Variants in RABGAP1 observed in about 807,000 individuals in gnomAD.
RABGAP1 encodes RAB GTPase activating protein 1.
RABGAP1 carries 23 observed loss-of-function variants against 137.6 expected under a neutral mutation model. The observed-to-expected ratio is 0.17, with a 90% CI of 0.12 to 0.24. The LOEUF is 0.24. RABGAP1 is among the 10% of genes least tolerant of loss of function. RABGAP1 has a pLI of 1.00. For missense variants in RABGAP1, 906 were observed against 1,275.8 expected, an observed-to-expected ratio of 0.71 and a Z score of 4.42; for synonymous variants, 451 against 450.7, an observed-to-expected ratio of 1.00 and a Z score of -0.01.
At chr9:123,090,211 C>G in intron 20 of RABGAP1, 64 bp from the exon 21 acceptor site, 1 of 1,299,444 alleles carries the variant, frequency 7.7e-7, no homozygotes, top group Non-Finnish European at 1.1e-6. Context: ...AGGTTTAGCC[C>G]TGAGAAATTT....
At chr9:123,092,971 C>T (rs556252924) in intron 21 of RABGAP1, among the ~76,000 whole-genome samples, 1 of 152,106 alleles carries the variant, frequency 6.6e-6, no homozygotes, top group Non-Finnish European at 1.5e-5. Flanking sequence ...CACACCTTTC[C>T]CACACTCACT....
chr9:123,084,390 G>A (rs771621564), intron 19 of RABGAP1, among the ~76,000 whole-genome samples: 3 of 152,140 alleles, frequency 2.0e-5, no homozygotes, highest in Admixed American at 6.5e-5. Context: ...TCTCCTTAAT[G>A]TACCAGACTC....
intron 13 of RABGAP1, among the ~76,000 whole-genome samples, chr9:123,023,998 A>G (rs1449536093): frequency 3.3e-5 from 5 of 152,216 alleles, no homozygotes; most frequent in Admixed American, 3.3e-4. Context: ...CTTTGTCATC[A>G]TCTTGCATTA....
intron 1 of RABGAP1, among the ~76,000 whole-genome samples, chr9:122,941,474 C>G (rs1833562055): frequency 1.3e-5 from 2 of 152,222 alleles, no homozygotes; most frequent in Non-Finnish European, 2.9e-5. Context: ...AATCCAGCCG[C>G]TCCCCCCCGC....
At chr9:122,980,408 C>T (rs940391822) in intron 2 of RABGAP1, among the ~76,000 whole-genome samples, 1 of 152,158 alleles carries the variant, frequency 6.6e-6, no homozygotes, top group Admixed American at 6.5e-5. Context: ...CTGTGCTTGG[C>T]TTGGCTTACT....
At chr9:123,083,942 T>C (rs1166061380) in intron 19 of RABGAP1, among the ~76,000 whole-genome samples, 2 of 152,226 alleles carry the variant, frequency 1.3e-5, no homozygotes, top group East Asian at 1.9e-4. Context: ...GATTTTCTTA[T>C]GTGTTCAGCA....
chr9:123,074,484 A>G (rs2034453434), intron 17 of RABGAP1, 56 bp downstream of exon 17: 1 of 1,493,080 alleles, frequency 6.7e-7, no homozygotes, highest in Admixed American at 2.1e-5. Flanking sequence ...CTTGAGGAGA[A>G]CAGATTCTGT....
intron 15 of RABGAP1, among the ~76,000 whole-genome samples, chr9:123,072,324 G>A (rs1039711044): frequency 6.6e-6 from 1 of 152,190 alleles, no homozygotes. Context: ...TGGTAGTCAT[G>A]TAAAAATATG....
At chr9:122,947,087 A>T (rs1833987174) in intron 1 of RABGAP1, among the ~76,000 whole-genome samples, 1 of 152,172 alleles carries the variant, frequency 6.6e-6, no homozygotes, top group Admixed American at 6.5e-5. Flanking sequence ...AAGACCCTAT[A>T]AAGTTATAAT....
At chr9:122,983,375 G>T (rs1257923027) in intron 2 of RABGAP1, among the ~76,000 whole-genome samples, 1 of 152,106 alleles carries the variant, frequency 6.6e-6, no homozygotes, top group Admixed American at 6.5e-5. Context: ...TATTTCTAAG[G>T]CAAAAGTAGT....
rs1034761481 is a variant in RABGAP1 at position 122,973,482 on chromosome 9, C to A, written c.151-11003C>A. On this transcript the variant is annotated intron_variant, in intron 2 of 25. Transcript: ENST00000373647. ...CGATCTGACCTCGTGATCCACCCGC[C>A]TCGGCCTCCCAAAGTGCTGGGATTA... Among the ~76,000 whole-genome samples the A allele has an allele frequency of 6.6e-5, 10 of 152,060 alleles. No individual in the cohort carries two copies. The East Asian group carries it at 1.4e-3, about 21-fold the overall frequency.
At chr9:123,046,867 CT>C (rs1453246368) in intron 13 of RABGAP1, among the ~76,000 whole-genome samples, 3 of 152,124 alleles carry the variant, frequency 2.0e-5, no homozygotes, top group African/African-American at 7.2e-5. Flanking sequence ...ATATAGAATC[CT>C]TAAGTGACAG....
At chr9:123,056,022 A>G (rs2033679663) in intron 13 of RABGAP1, among the ~76,000 whole-genome samples, 1 of 152,154 alleles carries the variant, frequency 6.6e-6, no homozygotes, top group Non-Finnish European at 1.5e-5. Flanking sequence ...TTTTTGGCCA[A>G]TACAAGATGT....
intron 4 of RABGAP1, among the ~76,000 whole-genome samples, chr9:122,987,314 C>T (rs186259914): frequency 3.4e-4 from 52 of 152,070 alleles, no homozygotes; most frequent in African/African-American, 1.2e-3. Context: ...TTTTTTTTCC[C>T]TATTACCAAA....
rs888491264 is a variant in RABGAP1 at position 122,981,235 on chromosome 9, A to G, written c.151-3250A>G. 5.3e-5 allele frequency among the ~76,000 whole-genome samples: 8 copies of G among 152,122 alleles called. No individual in the cohort carries two copies. The South Asian group carries it at 6.2e-4, about 12-fold the overall frequency. ...GAGACAGGGTTGCACCATGTTGGCCAGGCTGGTCTCGAACTCCTGGCTTCA... is the reference window on the plus strand; with the variant it reads ...GAGACAGGGTTGCACCATGTTGGCCGGGCTGGTCTCGAACTCCTGGCTTCA... On this transcript the variant is annotated intron_variant, in intron 2 of 25. Transcript: ENST00000373647.
At chr9:122,937,564 T>TC (rs1455877615), upstream of RABGAP1, 6 of 152,102 alleles carry the variant, frequency 3.9e-5, no homozygotes, top group African/African-American at 1.5e-4. Flanking sequence ...GCCACTGCTC[T>TC]CCAGCCTGGG....
intron 14 of RABGAP1, among the ~76,000 whole-genome samples, chr9:123,067,719 T>G (rs1397284613): frequency 6.6e-6 from 1 of 152,192 alleles, no homozygotes; most frequent in Non-Finnish European, 1.5e-5. Flanking sequence ...CTATAGTAGG[T>G]GTTCATTAAG....
intron 13 of RABGAP1, among the ~76,000 whole-genome samples, chr9:123,048,463 A>G (rs2033317387): frequency 1.3e-5 from 2 of 152,222 alleles, no homozygotes; most frequent in South Asian, 2.1e-4. Context: ...GCATGTTATT[A>G]GTAGGTGATT....
intron 1 of RABGAP1, among the ~76,000 whole-genome samples, chr9:122,955,898 A>G (rs1297721886): frequency 1.3e-5 from 2 of 152,230 alleles, no homozygotes; most frequent in African/African-American, 2.4e-5. Flanking sequence ...CTAGATGAAC[A>G]TGGAGCCATA....
Sources: gnomAD v4.1 joint callset for allele counts (sites outside exome capture counted in the v4.1 genomes callset) on GRCh38, gnomAD v4.1.1 for gene constraint, MANE v1.5 for transcripts, NCBI Gene and HGNC (gene_info 2026-07-23, HGNC 2026-07-21) for gene names.